The following LTBP1 variants were observed in gnomAD, a reference collection of about 807,000 sequenced individuals.
The protein encoded by LTBP1 is latent transforming growth factor beta binding protein 1, also known as latent-transforming growth factor beta-binding protein 1.
In LTBP1, 129 loss-of-function variants were observed where a neutral mutation model predicts 207.6. That is an observed-to-expected ratio of 0.62 (90% CI 0.54 to 0.72). The LOEUF (loss-of-function observed/expected upper bound fraction) is 0.72. Ranked by LOEUF, LTBP1 falls within the 30% of genes least tolerant of loss-of-function variation. The pLI is 0.00. For missense variants in LTBP1, 2,281 were observed against 2,217.2 expected (o/e 1.03, Z -0.58); for synonymous variants, 963 against 833.7 (o/e 1.16, Z -2.67).
intron 9 of LTBP1, among the ~76,000 whole-genome samples, chr2:33,227,935 G>T (rs2091540470): frequency 6.6e-6 from 1 of 150,496 alleles, no homozygotes; most frequent in African/African-American, 2.4e-5. Flanking sequence ...CTCCTGAGTA[G>T]CTGGGACTAT....
At chr2:33,012,050 G>C (rs1472525597) in intron 2 of LTBP1, among the ~76,000 whole-genome samples, 1 of 152,078 alleles carries the variant, frequency 6.6e-6, no homozygotes, top group Non-Finnish European at 1.5e-5. Flanking sequence ...CGAAAGACTG[G>C]TAATAGTTAT....
intron 23 of LTBP1, among the ~76,000 whole-genome samples, chr2:33,313,663 C>T (rs1017671431): frequency 2.6e-5 from 4 of 152,178 alleles, no homozygotes; most frequent in Non-Finnish European, 5.9e-5. Context: ...CTGCTAAGGA[C>T]ATGGGATCAT....
chr2:33,270,506 C>A (rs1193230865), intron 15 of LTBP1, among the ~76,000 whole-genome samples: 1 of 145,090 alleles, frequency 6.9e-6, no homozygotes, highest in South Asian at 2.2e-4. Flanking sequence ...AGGAGAATGG[C>A]GTGAACCCGG....
At chr2:33,397,088 G>C in intron 32 of LTBP1, 45 bp from the exon 33 acceptor site, 1 of 1,578,834 alleles carries the variant, frequency 6.3e-7, no homozygotes, top group South Asian at 1.1e-5. Context: ...AAATGATATA[G>C]GAAGTTGAGA....
In LTBP1 at chr2:33,231,957, A is replaced by G. The variant is rs74521057; in HGVS notation, c.1876+9806A>G. Among the ~76,000 whole-genome samples the G allele has an allele frequency of 3.9e-3, 600 of 152,354 alleles. 5 individuals are homozygous for G. The highest frequency in any genetic ancestry group is 0.014 in the African/African-American group (566 of 41,594). On this transcript the variant is annotated intron_variant, in intron 9 of 33. Coordinates refer to ENST00000404816, the MANE Select transcript of LTBP1 (RefSeq NM_206943.4). ...TATTCAGGTAACTGTTGTAACAGGT[A>G]TAAGAACTACTGCAGTGGAGTTTTG...
Position 33,211,760 on chromosome 2 carries a change from A to G in LTBP1, c.1702-5792A>G, listed in dbSNP as rs181832261. Among the ~76,000 whole-genome samples the G allele has an allele frequency of 2.7e-4, 41 of 152,282 alleles. No homozygotes were observed. The East Asian group carries it at 6.6e-3, about 24-fold the overall frequency. On this transcript the variant is annotated intron_variant, in intron 7 of 33. Coordinates refer to ENST00000404816, the MANE Select transcript of LTBP1 (RefSeq NM_206943.4). The stretch of plus-strand genomic sequence containing the variant: ...AAACCATATTCCACCATCTATCACA[A>G]TCTCTTCAAATCATCATTCAGCCTC...
chr2:33,315,327 T>C (rs1235504017), intron 24 of LTBP1, 58 bp downstream of exon 24: 5 of 1,599,932 alleles, frequency 3.1e-6, no homozygotes. Flanking sequence ...GGAGATTGCT[T>C]TCACTTATAC....
intron 2 of LTBP1, among the ~76,000 whole-genome samples, chr2:33,017,513 C>G (rs1426603950): frequency 1.3e-5 from 2 of 152,218 alleles, no homozygotes; most frequent in Non-Finnish European, 2.9e-5. Flanking sequence ...ACTGTGAGAA[C>G]CACTGATGCT....
At chr2:33,373,635 A>G (rs572538931) in intron 31 of LTBP1, among the ~76,000 whole-genome samples, 11 of 152,310 alleles carry the variant, frequency 7.2e-5, no homozygotes, top group African/African-American at 2.6e-4. Context: ...AATTATATAC[A>G]GCTTGTGGTT....
chr2:33,381,574 T>G (rs2095214997), intron 31 of LTBP1, among the ~76,000 whole-genome samples: 1 of 152,194 alleles, frequency 6.6e-6, no homozygotes, highest in Non-Finnish European at 1.5e-5. Flanking sequence ...TTAAGCAATT[T>G]GATCTCTTTC....
intron 9 of LTBP1, among the ~76,000 whole-genome samples, chr2:33,224,908 G>A (rs1158963903): frequency 6.6e-6 from 1 of 151,984 alleles, no homozygotes; most frequent in Non-Finnish European, 1.5e-5. Flanking sequence ...ACTAATTTCT[G>A]ATCTTTGTTT....
chr2:33,387,809 C>T (rs779455093), intron 31 of LTBP1, among the ~76,000 whole-genome samples: 2 of 150,898 alleles, frequency 1.3e-5, no homozygotes, highest in Non-Finnish European at 2.9e-5. Flanking sequence ...CATTGCCTTG[C>T]GCGACAATAG....
intron 2 of LTBP1, among the ~76,000 whole-genome samples, chr2:32,954,617 A>G (rs571183891): frequency 7.0e-6 from 1 of 142,626 alleles, no homozygotes; most frequent in South Asian, 2.2e-4. Flanking sequence ...AACAGTGGTC[A>G]CATTCTGAGG....
intron 3 of LTBP1, among the ~76,000 whole-genome samples, chr2:33,088,180 G>A (rs947467144): frequency 2.6e-5 from 4 of 152,226 alleles, no homozygotes; most frequent in Non-Finnish European, 4.4e-5. Flanking sequence ...TGAGCCGGGC[G>A]CGGTGGCTCA....
chr2:33,105,127 CT>C (rs1330711441), intron 3 of LTBP1, among the ~76,000 whole-genome samples: 10 of 152,148 alleles, frequency 6.6e-5, no homozygotes, highest in Non-Finnish European at 1.3e-4. Flanking sequence ...ACTTCACCCC[CT>C]GTCCACCAGC....
At chr2:33,382,690 G>T (rs931298702) in intron 31 of LTBP1, among the ~76,000 whole-genome samples, 2 of 152,148 alleles carry the variant, frequency 1.3e-5, no homozygotes, top group African/African-American at 4.8e-5. Context: ...CCTTAATTCC[G>T]TGCAATAAAT....
chr2:33,392,761 G>A (rs2095325875), intron 32 of LTBP1, among the ~76,000 whole-genome samples: 1 of 152,142 alleles, frequency 6.6e-6, no homozygotes, highest in Non-Finnish European at 1.5e-5. Context: ...TAATAAAAAA[G>A]GTATTAGATA....
At chr2:33,001,500 C>G (rs1337231528) in intron 2 of LTBP1, among the ~76,000 whole-genome samples, 1 of 134,716 alleles carries the variant, frequency 7.4e-6, no homozygotes, top group Non-Finnish European at 1.6e-5. Flanking sequence ...CAGCTTGGGT[C>G]CAATTCTCCT....
intron 11 of LTBP1, 70 bp from the exon 12 acceptor site, chr2:33,257,214 T>G: frequency 8.8e-7 from 1 of 1,142,636 alleles, no homozygotes; most frequent in Non-Finnish European, 1.3e-6. Flanking sequence ...CTATTCATCA[T>G]GATATTTTCC....
Sources: allele counts gnomAD v4.1 joint callset (sites outside exome capture counted in the v4.1 genomes callset), GRCh38; gene constraint gnomAD v4.1.1; transcripts MANE v1.5; gene names NCBI Gene and HGNC (gene_info 2026-07-23, HGNC 2026-07-21).